Variants in HSPD1 observed in about 807,000 individuals in gnomAD.
HSPD1 encodes the protein 60 kDa heat shock protein, mitochondrial.
A neutral mutation model predicts 53.0 loss-of-function variants in HSPD1; 3 were observed. The ratio of observed to expected loss-of-function variants is 0.06; its 90% CI spans 0.03 to 0.15. HSPD1 has a LOEUF of 0.15. Among genes scored for constraint, HSPD1 ranks in the 10% least tolerant of loss-of-function variants. The pLI is 1.00. For missense variants in HSPD1, 431 were observed against 694.1 expected (o/e 0.62, Z 4.26); for synonymous variants, 200 against 228.0 (o/e 0.88, Z 1.10).
chr2:197,495,094 A>G, intron 4 of HSPD1, 200 bp downstream of exon 4: 1 of 614,862 alleles, frequency 1.6e-6, no homozygotes, highest in Non-Finnish European at 2.9e-6. Context: ...GTAGAACTAA[A>G]ATGACAACCA....
chr2:197,491,813 G>A (rs933723616), intron 7 of HSPD1, among the ~76,000 whole-genome samples: 1 of 152,088 alleles, frequency 6.6e-6, no homozygotes, highest in East Asian at 1.9e-4. Flanking sequence ...CTCTACTTCA[G>A]ACTATTTAGT....
rs1226305578 is a variant in HSPD1, at chr2:197,498,863, G to A, written c.-2-13C>T. 2 of 1,613,502 alleles carry A rather than the reference G, an allele frequency of 1.2e-6. No homozygotes were observed. Among genetic ancestry groups the A allele is most frequent in the Non-Finnish European group, 1.7e-6 (2 of 1,179,520 alleles). On this transcript the variant is annotated splice_polypyrimidine_tract_variant and intron_variant, in intron 1 of 11. Coordinates refer to ENST00000388968, the MANE Select transcript of HSPD1 (RefSeq NM_002156.5). Reference sequence around the variant, plus strand: ...AACCGAAGCATTTCTGGGGATGGAAGCAAAAAGATCATCAGAACTACCACC... The same window carrying A: ...AACCGAAGCATTTCTGGGGATGGAAACAAAAAGATCATCAGAACTACCACC...
intron 2 of HSPD1, 148 bp from the exon 3 acceptor site, chr2:197,497,540 G>C: frequency 2.6e-6 from 2 of 755,878 alleles, no homozygotes; most frequent in Non-Finnish European, 2.2e-6. Flanking sequence ...GAACCTCAAG[G>C]GCAAGTTTAT....
chr2:197,487,993 G>C lies in HSPD1; in HGVS notation c.1434C>G (p.Thr478=), dbSNP rs199527127. 256 of 1,612,210 alleles carry C rather than the reference G, an allele frequency of 1.6e-4. 2 individuals carry two copies. The East Asian group carries it at 4.9e-3, about 31-fold the overall frequency. ...IKRTLKIPAM[T]IAKNAGVEGS... ...CTTCAACACCTGCATTCTTAGCAAT[G>C]GTCATTGCTGGAATTTTGAGTGTTC... The change falls in exon 11 of 12, where the codon ACC becomes ACG. Residue 478 remains threonine, a synonymous_variant. Coordinates refer to ENST00000388968, the MANE Select transcript of HSPD1 (RefSeq NM_002156.5).
At chr2:197,488,920 G>T in intron 9 of HSPD1, 82 bp downstream of exon 9, 1 of 1,347,474 alleles carries the variant, frequency 7.4e-7, no homozygotes, top group Non-Finnish European at 1.1e-6. Flanking sequence ...TTAGTTCTAT[G>T]GTACTACTGG....
intron 3 of HSPD1, 41 bp downstream of exon 3, chr2:197,497,099 A>C (rs767566354): frequency 1.1e-5 from 17 of 1,602,476 alleles, no homozygotes; most frequent in Non-Finnish European, 1.4e-5. Flanking sequence ...CTTAAAGCAC[A>C]CTGAAGTTTA....
intron 3 of HSPD1, among the ~76,000 whole-genome samples, chr2:197,495,840 C>G (rs1159028549): frequency 6.6e-6 from 1 of 152,174 alleles, no homozygotes; most frequent in Non-Finnish European, 1.5e-5. Context: ...TGTACTTAAA[C>G]AGTAACTTTA....
intron 7 of HSPD1, 120 bp from the exon 8 acceptor site, chr2:197,490,416 T>TGA (rs1553578185): frequency 2.8e-6 from 2 of 721,464 alleles, no homozygotes; most frequent in East Asian, 5.3e-5. Flanking sequence ...GGTTTTTGTG[T>TGA]TTTTTTGTTT....
At chr2:197,496,437 A>C (rs1290475178) in intron 3 of HSPD1, among the ~76,000 whole-genome samples, 6 of 152,204 alleles carry the variant, frequency 3.9e-5, no homozygotes, top group Admixed American at 6.5e-5. Flanking sequence ...ATTCTGACAA[A>C]AAATTACCAA....
chr2:197,497,851 T>C (rs545180857), intron 2 of HSPD1, among the ~76,000 whole-genome samples: 3 of 152,314 alleles, frequency 2.0e-5, no homozygotes, highest in East Asian at 3.9e-4. Flanking sequence ...GCACAATTAT[T>C]GGCCATCCTT....
At chr2:197,492,716 T>TA (rs1304732404) in intron 7 of HSPD1, among the ~76,000 whole-genome samples, 2 of 148,022 alleles carry the variant, frequency 1.4e-5, no homozygotes, top group Non-Finnish European at 3.0e-5. Flanking sequence ...AAATAAAAAA[T>TA]AAAAAAATTA....
intron 1 of HSPD1, chr2:197,499,402 A>G (rs1574605709): frequency 6.1e-6 from 1 of 164,376 alleles, no homozygotes; most frequent in East Asian, 1.8e-4. Flanking sequence ...GAACGCCCCC[A>G]GCAAGGTCAA....
At chr2:197,495,768 A>G (rs2086149600) in intron 3 of HSPD1, among the ~76,000 whole-genome samples, 1 of 152,110 alleles carries the variant, frequency 6.6e-6, no homozygotes, top group Admixed American at 6.5e-5. Context: ...TTAGTGCCTT[A>G]ATATTAAATT....
At chr2:197,494,509 G>A (rs574856211) in intron 5 of HSPD1, 148 bp downstream of exon 5, 1 of 659,040 alleles carries the variant, frequency 1.5e-6, no homozygotes, top group Non-Finnish European at 2.7e-6. Context: ...TTCTATACAT[G>A]TGCTGAGACT....
In HSPD1 at chr2:197,490,278, C is replaced by A; in HGVS notation, c.888G>T (p.Gln296His). 6.2e-7 allele frequency: 1 copy of A among 1,613,708 alleles called. No individual in the cohort carries two copies. Among genetic ancestry groups the A allele is most frequent in the Middle Eastern group, 1.7e-4 (1 of 6,060 alleles). ...LVLNRLKVGL[Q>H]VVAVKAPGFG... ...ACCCTGGAGCCTTGACTGCCACAAC[C>A]TGAAGACCAACCTTTAGCCTGTTAA... is the stretch of plus-strand genomic sequence containing the variant. Residue 296 changes from glutamine to histidine, a missense_variant, in exon 8 of 12, where the codon CAG becomes CAT. Physicochemically the swap from Gln to His is conservative, Grantham distance 24. Coordinates refer to ENST00000388968, the MANE Select transcript of HSPD1 (RefSeq NM_002156.5).
At chr2:197,493,576 C>T in intron 6 of HSPD1, 84 bp from the exon 7 acceptor site, 2 of 1,007,686 alleles carry the variant, frequency 2.0e-6, no homozygotes, top group Non-Finnish European at 3.1e-6. Context: ...GGTTCCAATA[C>T]ACTTTAAAAT....
chr2:197,496,417 T>C (rs531511516), intron 3 of HSPD1, among the ~76,000 whole-genome samples: 1 of 152,288 alleles, frequency 6.6e-6, no homozygotes, highest in East Asian at 1.9e-4. Flanking sequence ...AGTAATAAAT[T>C]AGTATGCCAA....
intron 7 of HSPD1, among the ~76,000 whole-genome samples, chr2:197,492,813 C>T (rs2086111095): frequency 6.6e-6 from 1 of 151,694 alleles, no homozygotes; most frequent in African/African-American, 2.4e-5. Flanking sequence ...AGTTTGAGAC[C>T]AGCCTGGCCA....
At chr2:197,499,061 C>T (rs1015737616) in intron 1 of HSPD1, 1 of 621,260 alleles carries the variant, frequency 1.6e-6, no homozygotes, top group Non-Finnish European at 2.9e-6. Context: ...GGCGCCTGAC[C>T]TATAGCACCA....
Sources: allele counts gnomAD v4.1 joint callset (sites outside exome capture counted in the v4.1 genomes callset), GRCh38; gene constraint gnomAD v4.1.1; transcripts MANE v1.5; gene names NCBI Gene and HGNC (gene_info 2026-07-23, HGNC 2026-07-21).